The following CFAP47 variants were observed in gnomAD, a reference collection of about 807,000 sequenced individuals.
CFAP47 encodes the protein cilia- and flagella-associated protein 47.
A neutral mutation model predicts 148.1 loss-of-function variants in CFAP47; 29 were observed. The observed-to-expected ratio is 0.20, with a 90% CI of 0.15 to 0.27. CFAP47 has a LOEUF of 0.27. CFAP47 is among the 10% of genes least tolerant of loss of function. CFAP47 has a pLI of 1.00. For missense variants in CFAP47, 1,872 were observed against 1,697.5 expected (o/e 1.10, Z -1.81); for synonymous variants, 664 against 577.3 (o/e 1.15, Z -2.15).
At chrX:36,019,734 G>T (rs1190388458) in intron 22 of CFAP47, among the ~76,000 whole-genome samples, 1 of 111,944 alleles carries the variant, frequency 8.9e-6, no homozygotes, top group Non-Finnish European at 1.9e-5. Context: ...GTTGCTCATA[G>T]TAGCCACTAA....
At position 36,046,860 on chromosome X, in the gene CFAP47, A is replaced by C. The variant is rs770728110; in HGVS notation, c.4014A>C (p.Ser1338=). The C allele has an allele frequency of 8.9e-7, 1 of 1,122,268 alleles. No individual in the cohort carries two copies. The highest frequency in any genetic ancestry group is 2.2e-5 in the South Asian group (1 of 44,960). The allele number at this position is 1,122,268 out of a possible 1,213,427, so 92.5% of individuals were successfully genotyped here. ...TTTTTTTTATTTTAAACAGAAATTC[A>C]ACTCTATGTGTCCAGATTCCCACAG... ...NILPQNYFRN[S]TLCVQIPTVR... The change falls in exon 26 of 64, where the codon TCA becomes TCC. Residue 1338 remains serine, a synonymous_variant. Coordinates refer to ENST00000378653, the MANE Select transcript of CFAP47 (RefSeq NM_001304548.2).
chrX:36,334,810 T>C (rs1167540277), intron 57 of CFAP47, among the ~76,000 whole-genome samples: 1 of 110,963 alleles, frequency 9.0e-6, no homozygotes, highest in Non-Finnish European at 1.9e-5. Flanking sequence ...GCTGTTTTCC[T>C]ATCTCACATC....
chrX:36,244,983 C>T, intron 48 of CFAP47, among the ~76,000 whole-genome samples: 1 of 111,800 alleles, frequency 8.9e-6, no homozygotes, highest in Middle Eastern at 4.7e-3. Flanking sequence ...AAACCAAATG[C>T]AGAAGCACAT....
At chrX:36,170,810 C>G in intron 39 of CFAP47, among the ~76,000 whole-genome samples, 2 of 108,229 alleles carry the variant, frequency 1.8e-5, no homozygotes, top group Admixed American at 2.0e-4. Context: ...GGGTATATAC[C>G]CAGTAACGGG....
At chrX:36,257,363 GT>G (rs1399430127) in intron 49 of CFAP47, among the ~76,000 whole-genome samples, 1 of 111,196 alleles carries the variant, frequency 9.0e-6, no homozygotes, top group Non-Finnish European at 1.9e-5. Context: ...TCATGGCCTG[GT>G]GGCCTAAAAC....
chrX:36,175,613 G>C (rs1417109110), intron 39 of CFAP47, among the ~76,000 whole-genome samples: 1 of 112,180 alleles, frequency 8.9e-6, no homozygotes, highest in Admixed American at 9.4e-5. Context: ...AGGCTGCTCG[G>C]ATGTCAGCAG....
intron 56 of CFAP47, among the ~76,000 whole-genome samples, chrX:36,316,975 C>T (rs913021792): frequency 4.5e-5 from 5 of 111,272 alleles, no homozygotes; most frequent in Non-Finnish European, 7.5e-5. Context: ...TTTATAGGGA[C>T]GAAGTTTTGC....
At chrX:36,110,558 TTC>T (rs1364122587) in intron 33 of CFAP47, among the ~76,000 whole-genome samples, 1 of 112,074 alleles carries the variant, frequency 8.9e-6, no homozygotes, top group Admixed American at 9.5e-5. Flanking sequence ...TCCAGCTTTG[TTC>T]TTTTTGTTTA....
chrX:36,328,330 C>T (rs1323435925), intron 57 of CFAP47, among the ~76,000 whole-genome samples: 2 of 111,364 alleles, frequency 1.8e-5, no homozygotes, highest in Non-Finnish European at 3.8e-5. Flanking sequence ...AAATAGGAAG[C>T]GTATTATGTT....
At chrX:36,329,381 CAA>C (rs2146971451) in intron 57 of CFAP47, among the ~76,000 whole-genome samples, 1 of 111,506 alleles carries the variant, frequency 9.0e-6, no homozygotes, top group East Asian at 2.8e-4. Context: ...TCAAAGGTGA[CAA>C]AGTCATGAAA....
At chrX:36,193,033 T>C (rs1939882191) in intron 42 of CFAP47, among the ~76,000 whole-genome samples, 1 of 111,817 alleles carries the variant, frequency 8.9e-6, no homozygotes, top group Admixed American at 9.5e-5. Context: ...AGTATATTAA[T>C]GTCACTTTGG....
At chrX:35,960,380 G>GAAAAAAAAAA (rs1188987905) in intron 8 of CFAP47, among the ~76,000 whole-genome samples, 309 of 15,480 alleles carry the variant, frequency 0.02, 94 homozygotes, top group African/African-American at 0.076. Context: ...GCTAATTTCT[G>GAAAAAAAAAA]AAAAAAAAAA....
chrX:36,176,848 G>C (rs1289866836), intron 39 of CFAP47, among the ~76,000 whole-genome samples: 1 of 112,369 alleles, frequency 8.9e-6, no homozygotes, highest in African/African-American at 3.2e-5. Context: ...AGGTTGCAGT[G>C]AGCGGAGATT....
chrX:36,276,606 G>A (rs1398309704), intron 49 of CFAP47, among the ~76,000 whole-genome samples: 1 of 111,498 alleles, frequency 9.0e-6, no homozygotes, highest in Admixed American at 9.6e-5. Context: ...ATTTGCTTAG[G>A]TCAGTGTCAG....
intron 59 of CFAP47, among the ~76,000 whole-genome samples, chrX:36,353,182 T>C (rs781823600): frequency 1.8e-5 from 2 of 110,836 alleles, no homozygotes; most frequent in East Asian, 5.6e-4. Flanking sequence ...GGGGAAAAAT[T>C]CATGCATTTA....
At chrX:36,205,737 A>C (rs1222868755) in intron 45 of CFAP47, among the ~76,000 whole-genome samples, 4 of 112,202 alleles carry the variant, frequency 3.6e-5, no homozygotes, top group African/African-American at 1.3e-4. Flanking sequence ...ATTTTTAACT[A>C]TTCAAAATTA....
intron 33 of CFAP47, among the ~76,000 whole-genome samples, chrX:36,117,153 C>G (rs1287659977): frequency 8.9e-6 from 1 of 112,215 alleles, no homozygotes; most frequent in Non-Finnish European, 1.9e-5. Context: ...TCATTCATCT[C>G]TTGATGAGCA....
chrX:36,009,098 A>G (rs779638397), intron 21 of CFAP47, among the ~76,000 whole-genome samples: 2 of 111,606 alleles, frequency 1.8e-5, no homozygotes, highest in African/African-American at 6.5e-5. Flanking sequence ...TCCTATCATT[A>G]TAATTTTCCT....
intron 1 of CFAP47, among the ~76,000 whole-genome samples, chrX:35,920,633 A>G (rs1332667761): frequency 6.3e-5 from 7 of 111,489 alleles, no homozygotes; most frequent in Admixed American, 5.7e-4. Context: ...GGGTGTTTCT[A>G]TCTTCTAATT....
Sources: gnomAD v4.1 joint callset for allele counts (sites outside exome capture counted in the v4.1 genomes callset) on GRCh38, gnomAD v4.1.1 for gene constraint, MANE v1.5 for transcripts, NCBI Gene and HGNC (gene_info 2026-07-23, HGNC 2026-07-21) for gene names.